Variants in HYAL4 observed in about 807,000 individuals in gnomAD.
HYAL4 encodes hyaluronidase-4.
HYAL4 carries 37 observed loss-of-function variants against 35.2 expected under a neutral mutation model. That is an observed-to-expected ratio of 1.05 (90% CI 0.81 to 1.38). The LOEUF (loss-of-function observed/expected upper bound fraction) is 1.38. Ranked by LOEUF, HYAL4 falls within the 40% of genes most tolerant of loss-of-function variation. HYAL4 has a pLI of 0.00. For missense variants in HYAL4, 572 were observed against 572.4 expected, an observed-to-expected ratio of 1.00 and a Z score of 0.01; for synonymous variants, 198 against 203.2, an observed-to-expected ratio of 0.97 and a Z score of 0.22.
the HYAL4 span, among the ~76,000 whole-genome samples, chr7:123,810,929 C>T: frequency 1.3e-5 from 2 of 152,100 alleles, no homozygotes; most frequent in Non-Finnish European, 2.9e-5. Context: ...AATTTGTAAG[C>T]TTTACAGATA....
the HYAL4 span, among the ~76,000 whole-genome samples, chr7:123,805,151 T>G: frequency 6.6e-6 from 1 of 152,214 alleles, no homozygotes; most frequent in Admixed American, 6.5e-5. Flanking sequence ...TGAATAACTT[T>G]CCCCTGTAAA....
Position 123,869,180 on chromosome 7 carries a change from T to C in HYAL4, c.907T>C (p.Tyr303His). Residue 303 changes from tyrosine (Y) to histidine (H), a missense_variant, in exon 3 of 5, where the codon TAC (tyrosine) becomes CAC (histidine). Tyr to His is a moderately conservative substitution (Grantham distance 83). Coordinates refer to ENST00000223026, the MANE Select transcript of HYAL4 (RefSeq NM_012269.3). ...SHDYALPVFVYTRLGYRDEPL... is the reference protein window; with the variant it reads ...SHDYALPVFVHTRLGYRDEPL... ...TGATTATGCTCTGCCTGTATTTGTC[T>C]ACACAAGGCTAGGGTACAGAGATGA... 6.2e-7 allele frequency: 1 copy of C among 1,614,054 alleles called. No individual in the cohort carries two copies. Among genetic ancestry groups the C allele is most frequent in the Non-Finnish European group, 8.5e-7 (1 of 1,180,004 alleles).
chr7:123,828,455 CA>C (rs1164243942), upstream of HYAL4, among the ~76,000 whole-genome samples: 4 of 151,248 alleles, frequency 2.6e-5, no homozygotes, highest in Non-Finnish European at 3.0e-5. Context: ...CACACACACA[CA>C]CACACACCTC....
chr7:123,864,248 A>G (rs1006774856), intron 2 of HYAL4, among the ~76,000 whole-genome samples: 11 of 152,180 alleles, frequency 7.2e-5, no homozygotes, highest in African/African-American at 2.7e-4. Context: ...CATTTCATTG[A>G]AAATCATTTG....
chr7:123,869,217 T>C lies in HYAL4; in HGVS notation c.944T>C (p.Phe315Ser), dbSNP rs1806800002. 7.5e-6 allele frequency: 12 copies of C among 1,593,388 alleles called. No individual in the cohort carries two copies. Among genetic ancestry groups the C allele is most frequent in the Non-Finnish European group, 1.0e-5 (12 of 1,169,030 alleles). Residue 315 changes from phenylalanine (F) to serine (S), a missense_variant, in exon 3 of 5, where the codon TTC becomes TCC. By Grantham distance (155) the Phe-to-Ser change is radical. Transcript: ENST00000223026. ...GGGTACAGAGATGAACCTTTATTTT[T>C]CCTTTCTAAGGTAAGAAGCTTCTTG... The part of the protein sequence containing the change: ...RLGYRDEPLF[F>S]LSKQDLVSTI...
the HYAL4 span, among the ~76,000 whole-genome samples, chr7:123,809,558 G>T: frequency 6.6e-6 from 1 of 151,816 alleles, no homozygotes; most frequent in South Asian, 2.1e-4. Flanking sequence ...ATCATGCCTG[G>T]CTAATTTTTG....
At chr7:123,866,789 CTTTTTTTTT>C (rs1009764748) in intron 2 of HYAL4, among the ~76,000 whole-genome samples, 2 of 134,188 alleles carry the variant, frequency 1.5e-5, no homozygotes, top group African/African-American at 5.7e-5. Flanking sequence ...CTTTCTCTCT[CTTTTTTTTT>C]TTTTTTTTTT....
At chr7:123,825,232 T>C (rs998858418), upstream of HYAL4, among the ~76,000 whole-genome samples, 1 of 152,052 alleles carries the variant, frequency 6.6e-6, no homozygotes, top group African/African-American at 2.4e-5. Flanking sequence ...ATATAAATGG[T>C]GTAACAGGTT....
chr7:123,854,322 C>T (rs1164584387), intron 2 of HYAL4, among the ~76,000 whole-genome samples: 1 of 152,012 alleles, frequency 6.6e-6, no homozygotes, highest in Admixed American at 6.6e-5. Flanking sequence ...GTTAGGGTGT[C>T]GGTTTTAGAT....
the HYAL4 span, among the ~76,000 whole-genome samples, chr7:123,772,271 AT>A: frequency 6.6e-6 from 1 of 152,160 alleles, no homozygotes. Context: ...CTTGACTTAT[AT>A]ACTTGGATTT....
chr7:123,768,569 C>G, the HYAL4 span, among the ~76,000 whole-genome samples: 1 of 152,126 alleles, frequency 6.6e-6, no homozygotes, highest in Non-Finnish European at 1.5e-5. Flanking sequence ...TAAGGTAGGC[C>G]GATTCATCAG....
the HYAL4 span, among the ~76,000 whole-genome samples, chr7:123,804,214 A>G: frequency 6.6e-6 from 1 of 152,220 alleles, no homozygotes; most frequent in East Asian, 1.9e-4. Flanking sequence ...GTAACGAAGT[A>G]TATGGTGAGT....
chr7:123,779,856 A>G, the HYAL4 span, among the ~76,000 whole-genome samples: 1 of 152,170 alleles, frequency 6.6e-6, no homozygotes, highest in Non-Finnish European at 1.5e-5. Flanking sequence ...ATGAGTACTC[A>G]TTATCTATTT....
At chr7:123,809,489 A>G in the HYAL4 span, among the ~76,000 whole-genome samples, 2 of 139,900 alleles carry the variant, frequency 1.4e-5, no homozygotes, top group Non-Finnish European at 3.0e-5. Flanking sequence ...TCCACCTCCC[A>G]GGCTCAAGTG....
chr7:123,872,365 A>G (rs1563005467), intron 3 of HYAL4, among the ~76,000 whole-genome samples: 1 of 152,232 alleles, frequency 6.6e-6, no homozygotes, highest in Non-Finnish European at 1.5e-5. Context: ...CTATAGATTT[A>G]AAGATATTTA....
At chr7:123,842,072 C>A (rs1806081770), upstream of HYAL4, among the ~76,000 whole-genome samples, 1 of 151,920 alleles carries the variant, frequency 6.6e-6, no homozygotes, top group African/African-American at 2.4e-5. Context: ...TTCTCTAGTT[C>A]TTTTAATTGT....
rs1806745868 is a variant in HYAL4 at position 123,868,221 on chromosome 7, A to G, written c.-51-2A>G. On this transcript the variant is annotated splice_acceptor_variant, in intron 2 of 4. Coordinates refer to ENST00000223026, the MANE Select transcript of HYAL4 (RefSeq NM_012269.3). LOFTEE classifies it low-confidence loss of function (5UTR_SPLICE). Reference sequence around the variant, plus strand: ...CTAACAGAAAATTAAATCTCTCCACAGGTCTTCTAGAGTGCACTAAAGCAG... The same window carrying G: ...CTAACAGAAAATTAAATCTCTCCACGGGTCTTCTAGAGTGCACTAAAGCAG... 1 of 906,838 alleles carries G rather than the reference A, an allele frequency of 1.1e-6. No individual in the cohort carries two copies. Among genetic ancestry groups the G allele is most frequent in the Non-Finnish European group, 1.6e-6 (1 of 617,618 alleles). The allele number at this position is 906,838 out of a possible 1,614,324, so 56.2% of individuals were successfully genotyped here. A position where few individuals can be genotyped will look rare whatever the true frequency, so the allele number is the denominator to read the frequency against.
chr7:123,858,140 T>C (rs1806497892), intron 2 of HYAL4, among the ~76,000 whole-genome samples: 1 of 152,162 alleles, frequency 6.6e-6, no homozygotes. Context: ...GAGGTTGTAG[T>C]GAGCTGATAT....
chr7:123,787,399 TG>T, the HYAL4 span, among the ~76,000 whole-genome samples: 1 of 152,144 alleles, frequency 6.6e-6, no homozygotes, highest in Non-Finnish European at 1.5e-5. Context: ...TCATGCCCAT[TG>T]CTCAAGCCCA....
Sources: allele counts gnomAD v4.1 joint callset (sites outside exome capture counted in the v4.1 genomes callset), GRCh38; gene constraint gnomAD v4.1.1; transcripts MANE v1.5; gene names NCBI Gene and HGNC (gene_info 2026-07-23, HGNC 2026-07-21).